HS3ST4: variants seen among roughly 807,000 people sequenced by gnomAD.
HS3ST4 encodes the protein heparan sulfate glucosamine 3-O-sulfotransferase 4.
Under a neutral mutation model 29.2 loss-of-function variants are expected in HS3ST4, and 17 were observed. The observed-to-expected ratio is 0.58, with a 90% CI of 0.40 to 0.87. The LOEUF (loss-of-function observed/expected upper bound fraction) is 0.87, where lower values mean the gene tolerates loss of function less well. Among genes scored for constraint, HS3ST4 ranks in the 40% least tolerant of loss-of-function variants. The probability of loss-of-function intolerance (pLI) is 0.00; values close to 1 mark genes in which losing one functional copy is unlikely to be tolerated. For synonymous variants in HS3ST4, 314 were observed against 285.7 expected (o/e 1.10, Z -1.00); for missense variants, 627 against 634.5 (o/e 0.99, Z 0.13).
intron 1 of HS3ST4, among the ~76,000 whole-genome samples, chr16:25,821,317 G>A (rs1005014922): frequency 3.3e-5 from 5 of 151,988 alleles, no homozygotes; most frequent in Admixed American, 6.6e-5. Flanking sequence ...TTGGCCTCCC[G>A]CACCTTTGAA....
intron 1 of HS3ST4, among the ~76,000 whole-genome samples, chr16:25,827,854 A>T (rs1223350991): frequency 6.6e-6 from 1 of 152,140 alleles, no homozygotes; most frequent in African/African-American, 2.4e-5. Context: ...ATTATCCTCC[A>T]TGTTAACAGA....
intron 1 of HS3ST4, among the ~76,000 whole-genome samples, chr16:25,942,999 C>A (rs1968587815): frequency 6.6e-6 from 1 of 152,108 alleles, no homozygotes; most frequent in African/African-American, 2.4e-5. Flanking sequence ...GTTAATAAAC[C>A]AAGCAGTTCA....
intron 1 of HS3ST4, among the ~76,000 whole-genome samples, chr16:26,071,919 G>T (rs549100095): frequency 6.6e-6 from 1 of 152,270 alleles, no homozygotes; most frequent in Non-Finnish European, 1.5e-5. Context: ...CTCACGAGGG[G>T]TCTCAAATTG....
rs562103450 is a variant in HS3ST4 at position 26,018,247 on chromosome 16, G to A, written c.735-117365G>A. Among the ~76,000 whole-genome samples the A allele has an allele frequency of 2.6e-5, 4 of 152,322 alleles. No homozygotes were observed. In the South Asian group the frequency reaches 6.2e-4, roughly 24 times the overall value. ...CCAAAGATGAATAACTAAATGAATG[G>A]AAGTGAATGAAAGAAGTATAAATTG... On this transcript the variant is annotated intron_variant, in intron 1 of 1. Transcript: ENST00000331351.
intron 1 of HS3ST4, among the ~76,000 whole-genome samples, chr16:25,986,853 A>G (rs1399030680): frequency 2.0e-5 from 3 of 152,316 alleles, no homozygotes; most frequent in African/African-American, 7.2e-5. Context: ...CCTAGGATGT[A>G]ATTTTCAGAT....
intron 1 of HS3ST4, among the ~76,000 whole-genome samples, chr16:26,083,360 G>GCT (rs1472838257): frequency 6.6e-6 from 1 of 152,160 alleles, no homozygotes; most frequent in East Asian, 1.9e-4. Context: ...AGCTATTGTG[G>GCT]CTAGCTTAAG....
intron 1 of HS3ST4, among the ~76,000 whole-genome samples, chr16:26,117,711 C>T (rs1899218776): frequency 6.6e-6 from 1 of 152,200 alleles, no homozygotes; most frequent in South Asian, 2.1e-4. Flanking sequence ...CACCCATCTG[C>T]TTGTGGCCTC....
chr16:25,985,953 G>A (rs1280010481), intron 1 of HS3ST4, among the ~76,000 whole-genome samples: 3 of 152,106 alleles, frequency 2.0e-5, no homozygotes, highest in Non-Finnish European at 4.4e-5. Flanking sequence ...CCAAAGTTCC[G>A]GGATTACAGG....
chr16:26,119,446 G>A (rs4550453), intron 1 of HS3ST4, among the ~76,000 whole-genome samples: 19,006 of 152,226 alleles, frequency 0.12, 1,274 homozygotes, highest in East Asian at 0.17. Flanking sequence ...TGGATGTGCT[G>A]CAGGGTGCGT....
At chr16:25,977,526 A>G (rs947247430) in intron 1 of HS3ST4, among the ~76,000 whole-genome samples, 1 of 152,208 alleles carries the variant, frequency 6.6e-6, no homozygotes, top group Non-Finnish European at 1.5e-5. Flanking sequence ...AGGTCTGTAC[A>G]CATCTATCAT....
Position 25,800,885 on chromosome 16 carries a change from A to G in HS3ST4, c.734+107734A>G, listed in dbSNP as rs369551592. ...TCCTCAAAGCAGAAAATGAGCCCTC[A>G]CCAGACATTGAATTTGCTGGCACCT... On this transcript the variant is annotated intron_variant, in intron 1 of 1. Coordinates refer to ENST00000331351, the MANE Select transcript of HS3ST4 (RefSeq NM_006040.3). Among the ~76,000 whole-genome samples the G allele has an allele frequency of 6.3e-4, 96 of 152,286 alleles. No individual in the cohort carries two copies. The Middle Eastern group carries it at 0.01, about 16-fold the overall frequency.
intron 1 of HS3ST4, among the ~76,000 whole-genome samples, chr16:26,055,392 T>C (rs942177560): frequency 3.9e-5 from 6 of 152,120 alleles, no homozygotes; most frequent in African/African-American, 1.2e-4. Context: ...GCAATGATGA[T>C]AATTAGGAAG....
At chr16:25,974,059 C>G (rs115672068) in intron 1 of HS3ST4, among the ~76,000 whole-genome samples, 2,390 of 152,328 alleles carry the variant, frequency 0.016, 60 homozygotes, top group African/African-American at 0.053. Context: ...TCCTGCCCAA[C>G]TCTTACCAGA....
chr16:25,711,011 T>TG (rs34520186), intron 1 of HS3ST4, among the ~76,000 whole-genome samples: 6,189 of 151,588 alleles, frequency 0.041, 169 homozygotes, highest in Middle Eastern at 0.082. Flanking sequence ...TGTGTAGTGA[T>TG]GGGGTCTTGC....
chr16:25,770,284 AAGT>A (rs1361679736), intron 1 of HS3ST4, among the ~76,000 whole-genome samples: 4 of 152,156 alleles, frequency 2.6e-5, no homozygotes, highest in Admixed American at 2.6e-4. Flanking sequence ...CCTTTCCTTC[AAGT>A]AATCATGGCC....
chr16:25,757,477 A>G (rs1966764622), intron 1 of HS3ST4, among the ~76,000 whole-genome samples: 1 of 151,838 alleles, frequency 6.6e-6, no homozygotes, highest in South Asian at 2.1e-4. Context: ...GTCTATAGGC[A>G]TCATTTTTCC....
At chr16:26,119,821 C>A (rs1285384460) in intron 1 of HS3ST4, among the ~76,000 whole-genome samples, 1 of 152,146 alleles carries the variant, frequency 6.6e-6, no homozygotes, top group Non-Finnish European at 1.5e-5. Context: ...CATCTCCCTT[C>A]TTAGGAGCTT....
intron 1 of HS3ST4, among the ~76,000 whole-genome samples, chr16:26,099,328 A>G (rs929806873): frequency 2.0e-5 from 3 of 152,144 alleles, no homozygotes; most frequent in African/African-American, 7.2e-5. Context: ...CTAATTTTCA[A>G]AAATTTTTGT....
intron 1 of HS3ST4, among the ~76,000 whole-genome samples, chr16:25,704,277 T>A (rs1966358012): frequency 6.6e-6 from 1 of 152,160 alleles, no homozygotes; most frequent in Admixed American, 6.5e-5. Flanking sequence ...AGAAACCCAC[T>A]CAAATAAGCT....
Sources: gnomAD v4.1 joint callset for allele counts (sites outside exome capture counted in the v4.1 genomes callset) on GRCh38, gnomAD v4.1.1 for gene constraint, MANE v1.5 for transcripts, NCBI Gene and HGNC (gene_info 2026-07-23, HGNC 2026-07-21) for gene names.